EYS: variants seen among roughly 807,000 people sequenced by gnomAD.
EYS encodes the protein EGF-like photoreceptor maintenance factor, also known as protein eyes shut homolog.
Under a neutral mutation model 282.1 loss-of-function variants are expected in EYS, and 250 were observed. The observed-to-expected ratio is 0.89, with a 90% confidence interval of 0.80 to 0.98. EYS has a LOEUF of 0.98. Ranked by LOEUF, EYS falls within the 50% of genes least tolerant of loss-of-function variation. The pLI is 0.00. For synonymous variants in EYS, 1,355 were observed against 1,282.9 expected (o/e 1.06, Z -1.20); for missense variants, 4,016 against 3,709.0 (o/e 1.08, Z -2.15).
intron 12 of EYS, among the ~76,000 whole-genome samples, chr6:65,143,673 T>C (rs7748207): frequency 0.12 from 18,030 of 152,088 alleles, 1,406 homozygotes; most frequent in African/African-American, 0.22. Context: ...TAGCTTCTCT[T>C]CACATTGTCT....
At chr6:63,883,603 T>C (rs1773189004) in intron 35 of EYS, among the ~76,000 whole-genome samples, 1 of 152,236 alleles carries the variant, frequency 6.6e-6, no homozygotes, top group African/African-American at 2.4e-5. Context: ...ACAACTCTGC[T>C]TAATGCCGGC....
chr6:64,805,787 T>C (rs1052084853), intron 22 of EYS, among the ~76,000 whole-genome samples: 3 of 151,450 alleles, frequency 2.0e-5, no homozygotes, highest in Non-Finnish European at 3.0e-5. Context: ...TCAAAAATTC[T>C]GATTTGGAGA....
At chr6:65,403,032 C>G (rs1766578268) in intron 6 of EYS, among the ~76,000 whole-genome samples, 2 of 152,074 alleles carry the variant, frequency 1.3e-5, no homozygotes, top group South Asian at 4.1e-4. Flanking sequence ...GCCAAGCTAA[C>G]AGCCAACATT....
chr6:63,930,159 T>A (rs1369388562), intron 35 of EYS, among the ~76,000 whole-genome samples: 1 of 152,152 alleles, frequency 6.6e-6, no homozygotes, highest in Non-Finnish European at 1.5e-5. Flanking sequence ...GTATGTGAAG[T>A]GATGGATGTA....
At chr6:64,574,492 C>T (rs1236285356) in intron 26 of EYS, among the ~76,000 whole-genome samples, 1 of 152,030 alleles carries the variant, frequency 6.6e-6, no homozygotes, top group Non-Finnish European at 1.5e-5. Flanking sequence ...AACCACTTCC[C>T]CATGTAATAT....
chr6:65,135,497 T>G (rs1447722337), intron 12 of EYS, among the ~76,000 whole-genome samples: 1 of 152,030 alleles, frequency 6.6e-6, no homozygotes, highest in Non-Finnish European at 1.5e-5. Context: ...TGACTATATT[T>G]CAAGTTTATA....
chr6:65,110,355 A>G (rs1390253742), intron 12 of EYS, among the ~76,000 whole-genome samples: 1 of 152,170 alleles, frequency 6.6e-6, no homozygotes, highest in African/African-American at 2.4e-5. Flanking sequence ...AGTAGTTTTG[A>G]AAACAAATGT....
At chr6:65,205,551 T>G (rs1239325420) in intron 12 of EYS, among the ~76,000 whole-genome samples, 1 of 151,872 alleles carries the variant, frequency 6.6e-6, no homozygotes, top group Non-Finnish European at 1.5e-5. Flanking sequence ...AACTATGTGG[T>G]CCTAATAGAC....
At chr6:65,328,194 A>C (rs1218393706) in intron 11 of EYS, among the ~76,000 whole-genome samples, 1 of 151,442 alleles carries the variant, frequency 6.6e-6, no homozygotes, top group Non-Finnish European at 1.5e-5. Context: ...TCCTAAAATT[A>C]AACTGTTCCA....
chr6:64,875,789 A>C (rs1275617120), intron 19 of EYS, among the ~76,000 whole-genome samples: 1 of 152,082 alleles, frequency 6.6e-6, no homozygotes, highest in Non-Finnish European at 1.5e-5. Flanking sequence ...TGTTCTATCT[A>C]TTATATATAA....
intron 22 of EYS, among the ~76,000 whole-genome samples, chr6:64,756,588 G>A (rs973812764): frequency 6.6e-6 from 1 of 152,066 alleles, no homozygotes; most frequent in Non-Finnish European, 1.5e-5. Flanking sequence ...ATGTTTTAAA[G>A]GACAAGGACA....
At chr6:64,754,562 A>T (rs1772871474) in intron 22 of EYS, among the ~76,000 whole-genome samples, 1 of 152,164 alleles carries the variant, frequency 6.6e-6, no homozygotes, top group Non-Finnish European at 1.5e-5. Flanking sequence ...AATATCACTG[A>T]TTAATATAGA....
intron 14 of EYS, among the ~76,000 whole-genome samples, chr6:64,970,788 G>C (rs1460436133): frequency 6.6e-6 from 1 of 152,112 alleles, no homozygotes; most frequent in Non-Finnish European, 1.5e-5. Context: ...ACAAGAAAAA[G>C]TTAAATTGCT....
intron 10 of EYS, among the ~76,000 whole-genome samples, chr6:65,340,857 C>A (rs1770173667): frequency 6.6e-6 from 1 of 150,942 alleles, no homozygotes; most frequent in Admixed American, 6.6e-5. Flanking sequence ...CACAAAATCT[C>A]ATTAAAATGC....
intron 2 of EYS, among the ~76,000 whole-genome samples, chr6:65,533,333 A>G (rs1456421157): frequency 1.3e-5 from 2 of 152,118 alleles, no homozygotes; most frequent in Non-Finnish European, 2.9e-5. Context: ...AAATTGAGGC[A>G]ATAATTAACA....
At chr6:64,586,520 T>C (rs942095894) in intron 26 of EYS, among the ~76,000 whole-genome samples, 5 of 152,056 alleles carry the variant, frequency 3.3e-5, no homozygotes, top group Non-Finnish European at 7.4e-5. Context: ...TATTTCTATA[T>C]TGGTATGATT....
chr6:63,998,534 A>G (rs1378023957), intron 34 of EYS, among the ~76,000 whole-genome samples: 2 of 152,184 alleles, frequency 1.3e-5, no homozygotes, highest in African/African-American at 2.4e-5. Flanking sequence ...ATAAAGTTAT[A>G]CTAAGAAAAA....
At chr6:64,175,113 A>G (rs1335136868) in intron 31 of EYS, among the ~76,000 whole-genome samples, 1 of 152,156 alleles carries the variant, frequency 6.6e-6, no homozygotes, top group Non-Finnish European at 1.5e-5. Context: ...TTTTCTTGTT[A>G]TAAATTTATT....
chr6:65,207,186 A>C (rs950490965), intron 12 of EYS, among the ~76,000 whole-genome samples: 1 of 151,932 alleles, frequency 6.6e-6, no homozygotes, highest in East Asian at 1.9e-4. Context: ...TCAAGATTCA[A>C]AATCAATGTA....
Sources: gnomAD v4.1 joint callset for allele counts (sites outside exome capture counted in the v4.1 genomes callset) on GRCh38, gnomAD v4.1.1 for gene constraint, MANE v1.5 for transcripts, NCBI Gene and HGNC (gene_info 2026-07-23, HGNC 2026-07-21) for gene names.